The following OGA variants were observed in gnomAD, a reference collection of about 807,000 sequenced individuals.
The protein encoded by OGA is O-GlcNAcase.
OGA carries 21 observed loss-of-function variants against 102.0 expected under a neutral mutation model. The observed-to-expected ratio is 0.21, with a 90% CI of 0.15 to 0.30. The LOEUF (loss-of-function observed/expected upper bound fraction) is 0.30. Among genes scored for constraint, OGA ranks in the 10% least tolerant of loss-of-function variants. The pLI is 1.00. For missense variants in OGA, 765 were observed against 1,107.8 expected, an observed-to-expected ratio of 0.69 and a Z score of 4.39; for synonymous variants, 408 against 378.2, an observed-to-expected ratio of 1.08 and a Z score of -0.91.
At chr10:101,805,148 C>T (rs1284299223) in intron 6 of OGA, among the ~76,000 whole-genome samples, 1 of 151,908 alleles carries the variant, frequency 6.6e-6, no homozygotes, top group Non-Finnish European at 1.5e-5. Flanking sequence ...GTGATCCTTC[C>T]ACCTCAGCCC....
At position 101,798,867 on chromosome 10, in the gene OGA, T is replaced by C. The variant is rs2065353918; in HGVS notation, c.1784A>G (p.Asn595Ser). ...LRANSSVVSV[N>S]CKGKDSEKIE... ...TTTTTCAGAGTCTTTTCCTTTGCAA[T>C]TGACACTGACAACACTACTATTTGC... The change falls in exon 9 of 16, where the codon AAT becomes AGT. Residue 595 changes from asparagine to serine, a missense_variant. By Grantham distance (46) the Asn-to-Ser change is conservative. This residue lies in a region of OGA where 281 missense variants were observed against 345.8 expected (regional missense o/e 0.81). Transcript: ENST00000361464. The C allele has an allele frequency of 7.4e-6, 12 of 1,613,808 alleles. No homozygotes were observed. The East Asian group carries it at 2.0e-4, about 27-fold the overall frequency.
In OGA at chr10:101,791,431, C is replaced by T; in HGVS notation, c.2184G>A (p.Val728=). 6.2e-7 allele frequency: 1 copy of T among 1,613,596 alleles called. No individual in the cohort carries two copies. The highest frequency in any genetic ancestry group is 2.2e-5 in the East Asian group (1 of 44,876). The change falls in exon 13 of 16, where the codon GTG becomes GTA. Residue 728 remains valine, a synonymous_variant. Transcript: ENST00000361464. ...CATACATTTCTCTGCAAATCTTGTA[C>T]ACGGATGCCTGAAAATATAATCTAG... ...RPYFPKDEAS[V]YKICREMYDD...
At chr10:101,816,590 T>C (rs1203746288) in intron 1 of OGA, among the ~76,000 whole-genome samples, 2 of 152,130 alleles carry the variant, frequency 1.3e-5, no homozygotes, top group African/African-American at 4.8e-5. Context: ...TTCTAAAATC[T>C]CCCTGCACTC....
At chr10:101,786,671 G>A (rs2065192727) in intron 15 of OGA, 84 bp from the exon 16 acceptor site, 1 of 1,159,732 alleles carries the variant, frequency 8.6e-7, no homozygotes, top group Non-Finnish European at 1.2e-6. Flanking sequence ...CTTCGAGATG[G>A]TTAATATAAA....
At chr10:101,809,454 G>A (rs1460046022) in intron 4 of OGA, among the ~76,000 whole-genome samples, 1 of 152,120 alleles carries the variant, frequency 6.6e-6, no homozygotes, top group African/African-American at 2.4e-5. Flanking sequence ...ACTGGCGCAC[G>A]ACTGTAATCC....
At chr10:101,801,409 A>G (rs547719709) in intron 7 of OGA, among the ~76,000 whole-genome samples, 135 of 152,062 alleles carry the variant, frequency 8.9e-4, no homozygotes, top group African/African-American at 2.7e-3. Flanking sequence ...AAAAAAAAAA[A>G]AGAGATAATC....
At chr10:101,808,060 A>T (rs2065499693) in intron 4 of OGA, among the ~76,000 whole-genome samples, 159 bp from the exon 5 acceptor site, 2 of 152,224 alleles carry the variant, frequency 1.3e-5, no homozygotes, top group South Asian at 2.1e-4. Context: ...TCGTAAGTTA[A>T]ACAGTTTTGG....
intron 6 of OGA, among the ~76,000 whole-genome samples, chr10:101,805,655 CAA>C (rs976862193): frequency 1.6e-4 from 13 of 80,680 alleles, no homozygotes; most frequent in Admixed American, 2.7e-4. Flanking sequence ...TGCTCTGTCT[CAA>C]AAAAAAAAAA....
In OGA at chr10:101,806,108, G is replaced by C; in HGVS notation, c.688C>G (p.Gln230Glu). 6.2e-7 allele frequency: 1 copy of C among 1,611,690 alleles called. No homozygotes were observed. The highest frequency in any genetic ancestry group is 8.5e-7 in the Non-Finnish European group (1 of 1,177,722). Residue 230 changes from glutamine (Q) to glutamate (E), a missense_variant, in exon 6 of 16, where the codon CAG becomes GAG. Physicochemically the swap from Gln to Glu is conservative, Grantham distance 29. Coordinates refer to ENST00000361464, the MANE Select transcript of OGA (RefSeq NM_012215.5). ...CCCACAGTCCTTAAATATGGAGACTGAGACACATTTGGATAACAGAAAGTG... is the reference window on the plus strand; with the variant it reads ...CCCACAGTCCTTAAATATGGAGACTCAGACACATTTGGATAACAGAAAGTG... Reference protein sequence around the residue: ...CGTFCYPNVSQSPYLRTVGEK... With the variant: ...CGTFCYPNVSESPYLRTVGEK...
chr10:101,793,405 G>A (rs999740740), intron 11 of OGA, among the ~76,000 whole-genome samples: 1 of 152,190 alleles, frequency 6.6e-6, no homozygotes, highest in Non-Finnish European at 1.5e-5. Flanking sequence ...GCACCTGTTG[G>A]GGGGAGAAAA....
chr10:101,794,294 T>A (rs546712790), intron 10 of OGA, among the ~76,000 whole-genome samples: 1 of 152,226 alleles, frequency 6.6e-6, no homozygotes, highest in Non-Finnish European at 1.5e-5. Context: ...CTAGATATTA[T>A]ACAAATCAAG....
intron 6 of OGA, among the ~76,000 whole-genome samples, chr10:101,805,061 G>A (rs2065450442): frequency 2.0e-5 from 3 of 151,950 alleles, no homozygotes; most frequent in South Asian, 4.2e-4. Context: ...TTTTGAGACA[G>A]GGTCTCATTC....
chr10:101,810,089 G>T, intron 4 of OGA, 95 bp downstream of exon 4: 1 of 1,183,308 alleles, frequency 8.5e-7, no homozygotes, highest in Non-Finnish European at 1.2e-6. Flanking sequence ...AAAGAAATAG[G>T]AATTTGATTT....
At chr10:101,805,014 T>C (rs908591096) in intron 6 of OGA, among the ~76,000 whole-genome samples, 3 of 152,194 alleles carry the variant, frequency 2.0e-5, no homozygotes, top group Non-Finnish European at 4.4e-5. Flanking sequence ...TTTAGCCCAA[T>C]TCCCTATAAA....
At chr10:101,813,179 G>C in intron 2 of OGA, 52 bp from the exon 3 acceptor site, 2 of 1,163,036 alleles carry the variant, frequency 1.7e-6, no homozygotes, top group Non-Finnish European at 1.3e-6. Context: ...TTCATAGGCT[G>C]TCAATCTCCA....
Position 101,798,850 on chromosome 10 carries a change from A to C in OGA, c.1801T>G (p.Ser601Ala), listed in dbSNP as rs143691187. The C allele has an allele frequency of 2.4e-4, 387 of 1,610,020 alleles. 1 individual carries two copies. In the African/African-American group the frequency reaches 4.9e-3, roughly 20 times the overall value. The change falls in exon 9 of 16, where the codon TCT (serine) becomes GCT (alanine). Residue 601 changes from serine (S) to alanine (A), a missense_variant. Transcript: ENST00000361464. ...ACATTAAACATACTCACTTTTTCAGAGTCTTTTCCTTTGCAATTGACACTG... is the reference window on the plus strand; with the variant it reads ...ACATTAAACATACTCACTTTTTCAGCGTCTTTTCCTTTGCAATTGACACTG... ...VVSVNCKGKD[S>A]EKIEEWRSRA...
At chr10:101,805,599 G>A (rs1418384506) in intron 6 of OGA, among the ~76,000 whole-genome samples, 1 of 148,936 alleles carries the variant, frequency 6.7e-6, no homozygotes, top group African/African-American at 2.5e-5. Flanking sequence ...AGTTTGCAGG[G>A]AGCTGAGATT....
intron 6 of OGA, 49 bp downstream of exon 6, chr10:101,805,996 C>T (rs2135074535): frequency 7.8e-7 from 1 of 1,276,848 alleles, no homozygotes; most frequent in Non-Finnish European, 1.1e-6. Context: ...GCAATTTCTG[C>T]AAGTCCTACT....
Position 101,799,300 on chromosome 10 carries a change from G to C in OGA, c.1351C>G (p.Leu451Val), listed in dbSNP as rs370288930. ...TGTTTCTTTTCTTCTTCCTTGGTCA[G>C]AGTAGTAGGCTCACCACTCAAGGCT... is the stretch of plus-strand genomic sequence containing the variant. The part of the protein sequence containing the change: ...GAALSGEPTT[L>V]TKEEEKKQPD... Residue 451 changes from leucine to valine, a missense_variant, in exon 9 of 16, where the codon CTG becomes GTG. Coordinates refer to ENST00000361464, the MANE Select transcript of OGA (RefSeq NM_012215.5). 2 of 1,614,082 alleles carry C rather than the reference G, an allele frequency of 1.2e-6. No individual in the cohort carries two copies. Among genetic ancestry groups the C allele is most frequent in the Non-Finnish European group, 1.7e-6 (2 of 1,180,008 alleles).
Sources: allele counts gnomAD v4.1 joint callset (sites outside exome capture counted in the v4.1 genomes callset), GRCh38; gene constraint gnomAD v4.1.1; regional missense constraint gnomAD v4.1.1; transcripts MANE v1.5; gene names NCBI Gene and HGNC (gene_info 2026-07-23, HGNC 2026-07-21).